The following CCL24 variants were observed in gnomAD, a reference collection of about 807,000 sequenced individuals.
The protein encoded by CCL24 is C-C motif chemokine 24.
In CCL24, 6 loss-of-function variants were observed where a neutral mutation model predicts 8.6. That is an observed-to-expected ratio of 0.70 (90% CI 0.38 to 1.38). The LOEUF is 1.38. Ranked by LOEUF, CCL24 falls within the 40% of genes most tolerant of loss-of-function variation. The probability of loss-of-function intolerance (pLI) is 0.02; values close to 1 mark genes in which losing one functional copy is unlikely to be tolerated. For missense variants in CCL24, 126 were observed against 147.1 expected (o/e 0.86, Z 0.74); for synonymous variants, 59 against 52.7 (o/e 1.12, Z -0.52).
At chr7:75,820,676 CCATCCATCCACTTATT>C (rs1804027788) in intron 1 of CCL24, among the ~76,000 whole-genome samples, 2 of 130,176 alleles carry the variant, frequency 1.5e-5, no homozygotes, top group African/African-American at 5.8e-5. Flanking sequence ...CATCATCCAT[CCATCCATCCACTTATT>C]CATCCATCCA....
upstream of CCL24, among the ~76,000 whole-genome samples, chr7:75,815,340 TAAAAA>T (rs781838332): frequency 7.8e-6 from 1 of 128,358 alleles, no homozygotes; most frequent in Non-Finnish European, 1.7e-5. Flanking sequence ...TCCTGTCTCT[TAAAAA>T]AAAAAAAAAA....
In CCL24 at chr7:75,811,421, G is replaced by A. The variant is rs538870302; in HGVS notation, c.*375C>T. ...TTGAACCCAGGAGGCGGAGGTTGCA[G>A]TGAACCGAGATTGTGCCACTGCACT... On this transcript the variant is annotated 3_prime_UTR_variant, in exon 3 of 3. Coordinates refer to ENST00000222902, the MANE Select transcript of CCL24 (RefSeq NM_002991.3). Among the ~76,000 whole-genome samples the A allele has an allele frequency of 5.1e-4, 77 of 151,956 alleles. No homozygotes were observed. The highest frequency in any genetic ancestry group is 1.8e-3 in the African/African-American group (75 of 41,464).
At chr7:75,813,855 A>C, upstream of CCL24, 1 of 600,398 alleles carries the variant, frequency 1.7e-6, no homozygotes. Context: ...AGAAGGAAAC[A>C]CGCCCCCGAG....
chr7:75,819,620 G>T (rs1390501990), intron 1 of CCL24, among the ~76,000 whole-genome samples: 1 of 151,500 alleles, frequency 6.6e-6, no homozygotes, highest in Non-Finnish European at 1.5e-5. Flanking sequence ...AAAAGAAGGG[G>T]GCTGTCATCT....
At chr7:75,813,141 T>G (rs2115778970) in intron 2 of CCL24, among the ~76,000 whole-genome samples, 165 bp downstream of exon 2, 1 of 152,168 alleles carries the variant, frequency 6.6e-6, no homozygotes, top group Non-Finnish European at 1.5e-5. Context: ...AAAATAAATA[T>G]ATCCTCCTCC....
At chr7:75,815,250 G>A (rs1803865217), upstream of CCL24, among the ~76,000 whole-genome samples, 1 of 151,690 alleles carries the variant, frequency 6.6e-6, no homozygotes. Context: ...GAGGGGGCAG[G>A]ATCACTTGAG....
chr7:75,816,247 T>C (rs1482176665), upstream of CCL24, among the ~76,000 whole-genome samples: 4 of 152,190 alleles, frequency 2.6e-5, no homozygotes, highest in East Asian at 3.9e-4. Context: ...GTGTGGGTTT[T>C]GCCCACAGAG....
chr7:75,816,034 G>T (rs1803883048), upstream of CCL24, among the ~76,000 whole-genome samples: 1 of 152,162 alleles, frequency 6.6e-6, no homozygotes, highest in South Asian at 2.1e-4. Flanking sequence ...CCACACAGTG[G>T]CATAGTGGGA....
intron 1 of CCL24, among the ~76,000 whole-genome samples, chr7:75,819,323 TA>T (rs2115805751): frequency 2.7e-5 from 2 of 74,410 alleles, no homozygotes; most frequent in South Asian, 4.7e-4. Flanking sequence ...TATATATATA[TA>T]TATATATATA....
At chr7:75,818,136 T>A (rs4728494), upstream of CCL24, among the ~76,000 whole-genome samples, 60,881 of 151,814 alleles carry the variant, frequency 0.4, 12,646 homozygotes, top group East Asian at 0.6. Context: ...CAACCAAAAC[T>A]CCTAATCTTT....
chr7:75,812,861 C>T (rs1001922285), intron 2 of CCL24, among the ~76,000 whole-genome samples: 5 of 151,650 alleles, frequency 3.3e-5, no homozygotes, highest in African/African-American at 7.3e-5. Flanking sequence ...ACCTGGGAGG[C>T]GGAGGTTGCA....
intron 2 of CCL24, 96 bp from the exon 3 acceptor site, chr7:75,812,060 A>G: frequency 1.0e-6 from 1 of 1,000,880 alleles, no homozygotes; most frequent in South Asian, 1.5e-5. Flanking sequence ...CAGAGACAGT[A>G]AGGCTTCCTT....
chr7:75,820,061 CT>C (rs1803998262), intron 1 of CCL24, among the ~76,000 whole-genome samples: 1 of 131,870 alleles, frequency 7.6e-6, no homozygotes, highest in Non-Finnish European at 1.6e-5. Context: ...TCTTCTTCTT[CT>C]TCTTCTTCTT....
At chr7:75,812,007 A>C (rs782415521) in intron 2 of CCL24, 43 bp from the exon 3 acceptor site, 1 of 1,551,446 alleles carries the variant, frequency 6.4e-7, no homozygotes, top group Non-Finnish European at 8.8e-7. Context: ...GTCGACAGGG[A>C]CCTTGGGCCA....
chr7:75,813,407 G>A lies in CCL24; in HGVS notation c.90C>T (p.Pro30=), dbSNP rs150796882. The A allele has an allele frequency of 1.1e-3, 1,805 of 1,611,868 alleles. 7 individuals are homozygous for A. Among genetic ancestry groups the A allele is most frequent in the Middle Eastern group, 5.6e-3 (34 of 6,036 alleles). The stretch of plus-strand genomic sequence containing the variant: ...AAACAAAGAACATGCAGCAGGGAGA[G>A]GGGATGACCACAGAGCCTAGAAGAG... ...HIIPTGSVVI[P]SPCCMFFVSK... Residue 30 remains proline (P), a synonymous_variant, in exon 2 of 3, where the codon CCC becomes CCT. Transcript: ENST00000222902.
chr7:75,822,208 C>T (rs1212174327), intron 1 of CCL24, among the ~76,000 whole-genome samples: 3 of 152,202 alleles, frequency 2.0e-5, no homozygotes, highest in Non-Finnish European at 2.9e-5. Flanking sequence ...ACAGCCTCAA[C>T]TGCCCCACCC....
At chr7:75,814,894 C>A (rs189756903), upstream of CCL24, among the ~76,000 whole-genome samples, 16 of 152,018 alleles carry the variant, frequency 1.1e-4, 1 homozygote, top group South Asian at 1.9e-3. Flanking sequence ...GGCCCCTTCC[C>A]GCGCCGACCA....
In CCL24 at chr7:75,813,292, T is replaced by C. The variant is rs202107648; in HGVS notation, c.191+14A>G. On this transcript the variant is annotated intron_variant, in intron 2 of 2. Coordinates refer to ENST00000222902, the MANE Select transcript of CCL24 (RefSeq NM_002991.3). Reference sequence around the variant, plus strand: ...CCACCCCTCTCCTGCCACGTGCCCATGAAGGATACCTACATCACTCCTGCC... The same window carrying C: ...CCACCCCTCTCCTGCCACGTGCCCACGAAGGATACCTACATCACTCCTGCC... 9.4e-5 allele frequency: 143 copies of C among 1,524,534 alleles called. No individual in the cohort carries two copies. The highest frequency in any genetic ancestry group is 1.1e-4 in the African/African-American group (8 of 73,028). 94.4% of individuals were successfully genotyped at this position (1,524,534 alleles called of 1,614,324 possible). A position where few individuals can be genotyped will look rare whatever the true frequency, so the allele number is the denominator to read the frequency against.
rs1489966138 is a variant in CCL24 at position 75,820,024 on chromosome 7, T to A, written c.-60+3298A>T. Among the ~76,000 whole-genome samples, 76 of 97,890 alleles carry A rather than the reference T, an allele frequency of 7.8e-4. 1 individual carries two copies. Among genetic ancestry groups the A allele is most frequent in the African/African-American group, 2.3e-3 (61 of 26,790 alleles). The allele number at this position is 97,890 out of a possible 152,430, so 64.2% of individuals were successfully genotyped here. A position where few individuals can be genotyped will look rare whatever the true frequency, so the allele number is the denominator to read the frequency against. On this transcript the variant is annotated intron_variant, in intron 1 of 3. Coordinates refer to the CCL24 transcript ENST00000416943. ...TAAGGGCTTTTAGTAAACTACTTCT[T>A]CTTCTTCTTCTTCTTCTTCTTCTTC...
Sources: allele counts gnomAD v4.1 joint callset (sites outside exome capture counted in the v4.1 genomes callset), GRCh38; gene constraint gnomAD v4.1.1; transcripts MANE v1.5; gene names NCBI Gene and HGNC (gene_info 2026-07-23, HGNC 2026-07-21).